C1orf21: variants seen among roughly 807,000 people sequenced by gnomAD.
C1orf21 encodes uncharacterized protein C1orf21.
Under a neutral mutation model 18.7 loss-of-function variants are expected in C1orf21, and 3 were observed. The ratio of observed to expected loss-of-function variants is 0.16; its 90% CI spans 0.07 to 0.42. C1orf21 has a LOEUF of 0.42. C1orf21 is among the 10% of genes least tolerant of loss of function. The pLI is 0.99. For missense variants in C1orf21, 104 were observed against 143.6 expected (o/e 0.72, Z 1.41); for synonymous variants, 41 against 46.4 (o/e 0.88, Z 0.47).
chr1:184,418,610 CA>C (rs773862339), intron 1 of C1orf21, among the ~76,000 whole-genome samples: 2 of 152,210 alleles, frequency 1.3e-5, no homozygotes, highest in Non-Finnish European at 2.9e-5. Context: ...ATGGCTCTCA[CA>C]CTACTCCTCA....
intron 3 of C1orf21, among the ~76,000 whole-genome samples, chr1:184,546,519 A>G (rs888294398): frequency 4.6e-5 from 7 of 152,228 alleles, no homozygotes; most frequent in African/African-American, 1.7e-4. Context: ...GCAAAAAGCC[A>G]TGGTTACTGC....
chr1:184,567,147 A>T (rs529495736), intron 3 of C1orf21: 2 of 474,712 alleles, frequency 4.2e-6, no homozygotes, highest in Admixed American at 2.4e-5. Context: ...TGCCTTCTTC[A>T]TGAAGGTGGT....
intron 5 of C1orf21, 50 bp from the exon 6 acceptor site, chr1:184,619,468 T>A: frequency 6.3e-7 from 1 of 1,585,316 alleles, no homozygotes; most frequent in Non-Finnish European, 8.6e-7. Context: ...TATTTCAGGC[T>A]CTGCTTTGAA....
At chr1:184,570,975 C>G (rs1261900930) in intron 3 of C1orf21, among the ~76,000 whole-genome samples, 1 of 152,166 alleles carries the variant, frequency 6.6e-6, no homozygotes, top group Non-Finnish European at 1.5e-5. Flanking sequence ...AGTATTTGTC[C>G]ATCTAAACAT....
intron 4 of C1orf21, 52 bp downstream of exon 4, chr1:184,590,867 A>T: frequency 6.9e-7 from 1 of 1,450,666 alleles, no homozygotes; most frequent in Non-Finnish European, 9.7e-7. Flanking sequence ...ATATCCATGG[A>T]TTCTGCATCT....
chr1:184,525,375 A>G (rs1658363965), intron 3 of C1orf21, among the ~76,000 whole-genome samples: 2 of 152,028 alleles, frequency 1.3e-5, no homozygotes, highest in Non-Finnish European at 2.9e-5. Context: ...TACTAGTTTT[A>G]ATTTTATTCC....
At chr1:184,411,103 G>A (rs74131664) in intron 1 of C1orf21, among the ~76,000 whole-genome samples, 273 of 152,212 alleles carry the variant, frequency 1.8e-3, no homozygotes, top group African/African-American at 6.2e-3. Flanking sequence ...AGGAACATAT[G>A]TGGTTTACGG....
At chr1:184,498,842 T>TGTGGGTAACCATTA in intron 2 of C1orf21, among the ~76,000 whole-genome samples, 1 of 152,362 alleles carries the variant, frequency 6.6e-6, no homozygotes, top group Admixed American at 6.5e-5. Context: ...ACTACCCATT[T>TGTGGGTAACCATTA]GTGGGAAACA....
chr1:184,535,360 G>T (rs1411260045), intron 3 of C1orf21, among the ~76,000 whole-genome samples: 1 of 152,210 alleles, frequency 6.6e-6, no homozygotes, highest in African/African-American at 2.4e-5. Context: ...GAGCCTAAAA[G>T]AAGTGCTTCC....
intron 4 of C1orf21, among the ~76,000 whole-genome samples, chr1:184,596,945 A>G (rs1659523917): frequency 6.6e-6 from 1 of 152,176 alleles, no homozygotes; most frequent in South Asian, 2.1e-4. Context: ...TATTATAAGA[A>G]TATGAAATTT....
At chr1:184,547,053 C>A (rs986973492) in intron 3 of C1orf21, among the ~76,000 whole-genome samples, 17 of 152,062 alleles carry the variant, frequency 1.1e-4, no homozygotes, top group Non-Finnish European at 2.4e-4. Context: ...ATGGGCAAGA[C>A]CATCAAGAGC....
chr1:184,477,719 C>A, intron 2 of C1orf21, 116 bp downstream of exon 2: 1 of 766,412 alleles, frequency 1.3e-6, no homozygotes. Context: ...TGTTACATGC[C>A]TAGAATGTGT....
chr1:184,420,763 A>G (rs980172377), intron 1 of C1orf21, among the ~76,000 whole-genome samples: 1 of 152,146 alleles, frequency 6.6e-6, no homozygotes, highest in Non-Finnish European at 1.5e-5. Flanking sequence ...CCCACACAAC[A>G]TTAATCCTCC....
At chr1:184,464,125 T>C (rs1657351442) in intron 1 of C1orf21, among the ~76,000 whole-genome samples, 1 of 152,224 alleles carries the variant, frequency 6.6e-6, no homozygotes, top group African/African-American at 2.4e-5. Flanking sequence ...TTGAATTCCA[T>C]GAGAAGGAGT....
At chr1:184,478,429 T>C (rs190240253) in intron 2 of C1orf21, among the ~76,000 whole-genome samples, 6 of 152,152 alleles carry the variant, frequency 3.9e-5, no homozygotes, top group Admixed American at 1.3e-4. Flanking sequence ...CCAAAGAATT[T>C]TAAAATAAAA....
intron 1 of C1orf21, among the ~76,000 whole-genome samples, chr1:184,460,902 T>C (rs1657298657): frequency 6.6e-6 from 1 of 151,984 alleles, no homozygotes; most frequent in Admixed American, 6.6e-5. Flanking sequence ...GTACAGCAAA[T>C]GCTCTGAATT....
At chr1:184,571,076 G>A (rs1163608048) in intron 3 of C1orf21, among the ~76,000 whole-genome samples, 2 of 152,014 alleles carry the variant, frequency 1.3e-5, no homozygotes, top group African/African-American at 2.4e-5. Flanking sequence ...GGCGGATCAC[G>A]AGGTCAGGAG....
intron 3 of C1orf21, chr1:184,567,471 A>G (rs1411019647): frequency 1.8e-6 from 1 of 541,362 alleles, no homozygotes; most frequent in East Asian, 5.1e-5. Context: ...GCTGGTGCAG[A>G]GATGCTGTAT....
chr1:184,467,059 G>T (rs1405766705), intron 1 of C1orf21, among the ~76,000 whole-genome samples: 2 of 152,114 alleles, frequency 1.3e-5, no homozygotes. Flanking sequence ...GATTCTCTAT[G>T]ATGGCCCAGA....
Sources: allele counts gnomAD v4.1 joint callset (sites outside exome capture counted in the v4.1 genomes callset), GRCh38; gene constraint gnomAD v4.1.1; transcripts MANE v1.5; gene names NCBI Gene and HGNC (gene_info 2026-07-23, HGNC 2026-07-21).